The following TXNDC5 variants were observed in gnomAD, a reference collection of about 807,000 sequenced individuals.
TXNDC5 encodes the protein thioredoxin domain containing 5.
A neutral mutation model predicts 52.6 loss-of-function variants in TXNDC5; 44 were observed. That is an observed-to-expected ratio of 0.84 (90% CI 0.66 to 1.08). The LOEUF is 1.08. TXNDC5 is among the 50% of genes least tolerant of loss of function. TXNDC5 has a pLI of 0.00. For synonymous variants in TXNDC5, 241 were observed against 234.4 expected, an observed-to-expected ratio of 1.03 and a Z score of -0.26; for missense variants, 600 against 565.5, an observed-to-expected ratio of 1.06 and a Z score of -0.62.
At position 7,910,761 on chromosome 6, in the gene TXNDC5, C is replaced by T. The variant is rs1024106638; in HGVS notation, c.16G>A (p.Gly6Arg). The T allele has an allele frequency of 5.0e-5, 50 of 998,574 alleles. 1 individual carries two copies. In the African/African-American group the frequency reaches 8.1e-4, roughly 16 times the overall value. The allele number at this position is 998,574 out of a possible 1,614,324, so 61.9% of individuals were successfully genotyped here. The change falls in exon 1 of 10, where the codon GGA becomes AGA. Residue 6 changes from glycine to arginine, a missense_variant. Gly to Arg is a moderately radical substitution (Grantham distance 125). Coordinates refer to ENST00000379757, the MANE Select transcript of TXNDC5 (RefSeq NM_030810.5). Reference protein sequence around the residue: MPARPGRLLPLLARPA... With the variant: MPARPRRLLPLLARPA... Reference sequence around the variant, plus strand: ...CGGGCCAGCAGCGGGAGGAGGCGTCCTGGGCGCGCGGGCATCGCGGCGGGG... The same window carrying T: ...CGGGCCAGCAGCGGGAGGAGGCGTCTTGGGCGCGCGGGCATCGCGGCGGGG...
chr6:7,909,785 A>C, intron 1 of TXNDC5: 1 of 985,988 alleles, frequency 1.0e-6, no homozygotes, highest in South Asian at 4.7e-5. Flanking sequence ...CCTATCCCAC[A>C]AAAGACGCAC....
intron 7 of TXNDC5, among the ~76,000 whole-genome samples, chr6:7,887,589 T>G (rs1760036072): frequency 6.6e-6 from 1 of 152,068 alleles, no homozygotes; most frequent in African/African-American, 2.4e-5. Context: ...AGGGAACGCA[T>G]CATCTTTAAA....
At position 7,910,643 on chromosome 6, in the gene TXNDC5, G is replaced by A. The variant is rs991320955; in HGVS notation, c.134C>T (p.Ala45Val). Residue 45 changes from alanine to valine, a missense_variant, in exon 1 of 10, where the codon GCG (alanine) becomes GTG (valine). Transcript: ENST00000379757. The part of the protein sequence containing the change: ...GARAQEAAAA[A>V]ADGPPAADGE... The stretch of plus-strand genomic sequence containing the variant: ...GTCTGCCGCGGGGGGCCCGTCCGCC[G>A]CCGCCGCCGCCGCCTCCTGGGCCCG... The A allele has an allele frequency of 5.5e-6, 7 of 1,278,280 alleles. No homozygotes were observed. The African/African-American group carries it at 1.1e-4, about 20-fold the overall frequency. 79.2% of individuals were successfully genotyped at this position (1,278,280 alleles called of 1,614,324 possible).
At position 7,895,137 on chromosome 6, in the gene TXNDC5, T is replaced by A; in HGVS notation, c.585A>T (p.Ser195=). 6.2e-7 allele frequency: 1 copy of A among 1,613,902 alleles called. No homozygotes were observed. The highest frequency in any genetic ancestry group is 1.1e-5 in the South Asian group (1 of 90,926). Residue 195 remains serine (S), a synonymous_variant, in exon 4 of 10, where the codon TCA becomes TCT. Coordinates refer to ENST00000379757, the MANE Select transcript of TXNDC5 (RefSeq NM_030810.5). Reference sequence around the variant, plus strand: ...CAACGTGCAGCTCAAAGTTGCTTGCTGAGAGCTCATACAGCCCTTGCTTGA... The same window carrying A: ...CAACGTGCAGCTCAAAGTTGCTTGCAGAGAGCTCATACAGCCCTTGCTTGA... The part of the protein sequence containing the change: ...PELKQGLYEL[S]ASNFELHVAQ...
intron 8 of TXNDC5, 112 bp from the exon 9 acceptor site, chr6:7,884,600 C>T (rs1581305336): frequency 1.0e-5 from 15 of 1,460,196 alleles, no homozygotes; most frequent in Middle Eastern, 1.9e-4. Context: ...CAACAATTGC[C>T]TAGAAATTTG....
chr6:7,906,917 C>T (rs1424725400), intron 1 of TXNDC5, among the ~76,000 whole-genome samples: 1 of 152,174 alleles, frequency 6.6e-6, no homozygotes, highest in African/African-American at 2.4e-5. Flanking sequence ...TGTCTAAAGG[C>T]ACAGGTTTGA....
At chr6:7,885,180 G>A (rs748113085) in intron 8 of TXNDC5, among the ~76,000 whole-genome samples, 1 of 152,182 alleles carries the variant, frequency 6.6e-6, no homozygotes, top group Non-Finnish European at 1.5e-5. Flanking sequence ...TACCCCTATG[G>A]TTAGTTTCTC....
At chr6:7,883,738 T>C (rs1759852853) in intron 9 of TXNDC5, among the ~76,000 whole-genome samples, 3 of 152,196 alleles carry the variant, frequency 2.0e-5, no homozygotes, top group Admixed American at 1.3e-4. Flanking sequence ...ACAACTGGTA[T>C]CTTTTAATGA....
At chr6:7,898,088 T>C (rs1760435972) in intron 3 of TXNDC5, among the ~76,000 whole-genome samples, 1 of 152,102 alleles carries the variant, frequency 6.6e-6, no homozygotes, top group African/African-American at 2.4e-5. Flanking sequence ...CCACGATAGT[T>C]TTTGCTCTGT....
In TXNDC5 at chr6:7,910,624, C is replaced by T; in HGVS notation, c.153G>A (p.Ala51=). ...GGTCCTGTCCGTCCTCGCCGTCTGC[C>T]GCGGGGGGCCCGTCCGCCGCCGCCG... ...AAAAAADGPP[A]ADGEDGQDPH... The change falls in exon 1 of 10, where the codon GCG becomes GCA. Residue 51 remains alanine (A), a synonymous_variant. Transcript: ENST00000379757. 7.7e-7 allele frequency: 1 copy of T among 1,297,852 alleles called. No individual in the cohort carries two copies. Among genetic ancestry groups the T allele is most frequent in the Non-Finnish European group, 1.0e-6 (1 of 1,000,048 alleles). 80.4% of individuals were successfully genotyped at this position (1,297,852 alleles called of 1,614,324 possible). A position where few individuals can be genotyped will look rare whatever the true frequency, so the allele number is the denominator to read the frequency against.
chr6:7,898,715 C>A (rs1336957460), intron 3 of TXNDC5, among the ~76,000 whole-genome samples: 3 of 152,128 alleles, frequency 2.0e-5, no homozygotes, highest in African/African-American at 7.2e-5. Context: ...GACCTGAGCA[C>A]TCGGCATTAA....
At chr6:7,890,353 T>A (rs1760147790) in intron 5 of TXNDC5, among the ~76,000 whole-genome samples, 1 of 151,780 alleles carries the variant, frequency 6.6e-6, no homozygotes, top group Non-Finnish European at 1.5e-5. Flanking sequence ...GCAGCTAAGG[T>A]GCGGAACTGA....
intron 6 of TXNDC5, 54 bp downstream of exon 6, chr6:7,889,441 G>T (rs1434490863): frequency 1.3e-6 from 2 of 1,529,522 alleles, no homozygotes; most frequent in Non-Finnish European, 1.8e-6. Flanking sequence ...CAGTAGCTCA[G>T]CCTGATGGGG....
In TXNDC5 at chr6:7,881,521, A is replaced by T. The variant is rs41302895; in HGVS notation, c.*1623T>A. On this transcript the variant is annotated 3_prime_UTR_variant, in exon 10 of 10. Coordinates refer to ENST00000379757, the MANE Select transcript of TXNDC5 (RefSeq NM_030810.5). ...ACATTGAAGGAAAGACCAGACTTTT[A>T]AAAAAAAAGAGTTTATTTAGAAAGT... 0.053 allele frequency: 8,046 copies of T among 151,032 alleles called. 310 individuals carry two copies. The highest frequency in any genetic ancestry group is 0.074 in the Non-Finnish European group (5,005 of 67,724). The allele number at this position is 151,032 out of a possible 1,614,324, so 9.4% of individuals were successfully genotyped here.
At chr6:7,884,583 G>C in intron 8 of TXNDC5, 95 bp from the exon 9 acceptor site, 1 of 1,546,868 alleles carries the variant, frequency 6.5e-7, no homozygotes, top group Non-Finnish European at 8.8e-7. Context: ...CTTCTGTATG[G>C]GACAGTCAAC....
chr6:7,904,785 C>G, intron 1 of TXNDC5, 62 bp from the exon 2 acceptor site: 1 of 1,605,436 alleles, frequency 6.2e-7, no homozygotes, highest in South Asian at 1.1e-5. Context: ...TGGCCCACAA[C>G]TTCAGCTCTG....
At chr6:7,883,303 G>A (rs1264124579) in intron 9 of TXNDC5, 37 bp from the exon 10 acceptor site, 3 of 1,612,642 alleles carry the variant, frequency 1.9e-6, no homozygotes, top group Admixed American at 3.3e-5. Flanking sequence ...CAAACCAGCG[G>A]TCCAGATCAC....
intron 5 of TXNDC5, 100 bp downstream of exon 5, chr6:7,891,521 C>A: frequency 2.3e-6 from 2 of 858,798 alleles, no homozygotes; most frequent in Non-Finnish European, 1.8e-6. Flanking sequence ...ATTAATAAAT[C>A]AAGTTTGCGA....
At chr6:7,894,464 A>G (rs1760301425) in intron 4 of TXNDC5, among the ~76,000 whole-genome samples, 1 of 152,130 alleles carries the variant, frequency 6.6e-6, no homozygotes. Context: ...TATGATTATC[A>G]TTAATACACA....
Sources: allele counts gnomAD v4.1 joint callset (sites outside exome capture counted in the v4.1 genomes callset), GRCh38; gene constraint gnomAD v4.1.1; transcripts MANE v1.5; gene names NCBI Gene and HGNC (gene_info 2026-07-23, HGNC 2026-07-21).